Variants in NAA11 observed in about 807,000 individuals in gnomAD.
NAA11 encodes N-alpha-acetyltransferase 11, NatA catalytic subunit.
In NAA11, 15 loss-of-function variants were observed where a neutral mutation model predicts 16.1. The ratio of observed to expected loss-of-function variants is 0.93; its 90% CI spans 0.62 to 1.44. The LOEUF (loss-of-function observed/expected upper bound fraction) is 1.44. Ranked by LOEUF, NAA11 falls within the 40% of genes most tolerant of loss-of-function variation. The pLI, the probability that NAA11 is intolerant of heterozygous loss-of-function variation, is 0.00. For missense variants in NAA11, 298 were observed against 291.3 expected (o/e 1.02, Z -0.17); for synonymous variants, 122 against 112.4 (o/e 1.09, Z -0.54).
chr4:79,237,508 C>A (rs1721597026), intron 2 of NAA11, among the ~76,000 whole-genome samples: 1 of 151,990 alleles, frequency 6.6e-6, no homozygotes, highest in Non-Finnish European at 1.5e-5. Flanking sequence ...TAATACACAC[C>A]ACAATATTTA....
intron 2 of NAA11, among the ~76,000 whole-genome samples, chr4:79,285,965 C>T (rs1179745144): frequency 2.6e-5 from 4 of 152,000 alleles, no homozygotes; most frequent in Non-Finnish European, 5.9e-5. Flanking sequence ...TGGGCAATTA[C>T]ACCTTGAACA....
At chr4:79,197,030 G>T in the NAA11 span, among the ~76,000 whole-genome samples, 1 of 148,764 alleles carries the variant, frequency 6.7e-6, no homozygotes, top group Non-Finnish European at 1.5e-5. Flanking sequence ...GCCTCCAAAA[G>T]GTATATAGTC....
chr4:79,202,647 A>ATATATATATATATATATATATATC, the NAA11 span, among the ~76,000 whole-genome samples: 5 of 126,628 alleles, frequency 3.9e-5, no homozygotes, highest in African/African-American at 1.3e-4. Context: ...ATATATATAT[A>ATATATATATATATATATATATATC]TATCTGTGTA....
chr4:79,213,388 T>C, the NAA11 span, among the ~76,000 whole-genome samples: 1 of 152,018 alleles, frequency 6.6e-6, no homozygotes, highest in Non-Finnish European at 1.5e-5. Context: ...ATCAGAGCCA[T>C]GGTTTGAGGA....
chr4:79,212,798 A>G, the NAA11 span, among the ~76,000 whole-genome samples: 2 of 151,886 alleles, frequency 1.3e-5, no homozygotes, highest in African/African-American at 4.8e-5. Context: ...AGGTATATAT[A>G]TATATATAAA....
Position 79,325,747 on chromosome 4 carries a change from A to G in NAA11, c.131T>C (p.Ile44Thr). ...HGLSWPQLSYIAEDEDGKIVG... is the reference protein window; with the variant it reads ...HGLSWPQLSYTAEDEDGKIVG... Reference sequence around the variant, plus strand: ...AATCTTCCCGTCCTCATCCTCAGCGATGTAAGAAAGCTGGGGCCAGGAAAG... The same window carrying G: ...AATCTTCCCGTCCTCATCCTCAGCGGTGTAAGAAAGCTGGGGCCAGGAAAG... Residue 44 changes from isoleucine (I) to threonine (T), a missense_variant, in exon 1 of 2, where the codon ATC becomes ACC. Coordinates refer to ENST00000286794, the MANE Select transcript of NAA11 (RefSeq NM_032693.3). 2 of 1,614,154 alleles carry G rather than the reference A, an allele frequency of 1.2e-6. No individual in the cohort carries two copies. The highest frequency in any genetic ancestry group is 1.7e-6 in the Non-Finnish European group (2 of 1,180,024).
At chr4:79,263,000 GCTAGAGAATAC>G (rs1722272089) in intron 2 of NAA11, among the ~76,000 whole-genome samples, 1 of 152,030 alleles carries the variant, frequency 6.6e-6, no homozygotes, top group African/African-American at 2.4e-5. Context: ...AAATAAAATG[GCTAGAGAATAC>G]CTAGGGCATA....
intron 2 of NAA11, among the ~76,000 whole-genome samples, chr4:79,239,433 G>A (rs1221294030): frequency 6.6e-6 from 1 of 152,144 alleles, no homozygotes; most frequent in Non-Finnish European, 1.5e-5. Context: ...GGGCACAGAG[G>A]CTCACACCTG....
chr4:79,239,940 G>T (rs1560694266), intron 2 of NAA11, among the ~76,000 whole-genome samples: 1 of 152,062 alleles, frequency 6.6e-6, no homozygotes, highest in Non-Finnish European at 1.5e-5. Flanking sequence ...CAACATCATG[G>T]TGTGCACTTA....
At chr4:79,312,883 G>T (rs557932671), downstream of NAA11, among the ~76,000 whole-genome samples, 1 of 152,268 alleles carries the variant, frequency 6.6e-6, no homozygotes, top group African/African-American at 2.4e-5. Flanking sequence ...GTAAATAGGA[G>T]ATTAAGTACA....
In NAA11 at chr4:79,268,462, T is replaced by C. The variant is rs1311937980; in HGVS notation, c.*122+25543A>G. Among the ~76,000 whole-genome samples the C allele has an allele frequency of 2.0e-5, 3 of 152,126 alleles. No homozygotes were observed. The East Asian group carries it at 5.8e-4, about 29-fold the overall frequency. ...CTCTGCTTCATCACCCTGCCCAAAG[T>C]TATGCCGGAGAAGAGTTCTTTACTG... On this transcript the variant is annotated intron_variant and NMD_transcript_variant, in intron 2 of 2. Transcript: ENST00000511542.
intron 2 of NAA11, among the ~76,000 whole-genome samples, chr4:79,287,277 T>C (rs1018864261): frequency 2.6e-5 from 4 of 152,068 alleles, no homozygotes; most frequent in African/African-American, 9.7e-5. Context: ...CAAACAGACA[T>C]CTGAAAACAT....
intron 2 of NAA11, among the ~76,000 whole-genome samples, chr4:79,271,828 T>TA (rs1290322861): frequency 1.3e-5 from 2 of 151,858 alleles, no homozygotes; most frequent in African/African-American, 4.8e-5. Context: ...AAGAACCAGG[T>TA]AGGGGGTGTG....
chr4:79,165,461 G>A, the NAA11 span, among the ~76,000 whole-genome samples: 1 of 152,210 alleles, frequency 6.6e-6, no homozygotes, highest in African/African-American at 2.4e-5. Context: ...CTTCAGACAG[G>A]AGTAGAGCTC....
At chr4:79,229,297 TA>T (rs2109954333) in intron 2 of NAA11, among the ~76,000 whole-genome samples, 1 of 152,076 alleles carries the variant, frequency 6.6e-6, no homozygotes, top group South Asian at 2.1e-4. Flanking sequence ...GTTTTTCCAG[TA>T]CTATTTCTTC....
At chr4:79,164,520 C>T in the NAA11 span, among the ~76,000 whole-genome samples, 3 of 152,192 alleles carry the variant, frequency 2.0e-5, no homozygotes, top group African/African-American at 4.8e-5. Context: ...TGATGAGATA[C>T]ACTCTTTCAC....
the NAA11 span, among the ~76,000 whole-genome samples, chr4:79,220,156 G>C: frequency 0.014 from 2,119 of 152,258 alleles, 46 homozygotes; most frequent in African/African-American, 0.048. Flanking sequence ...GCAGTGGCAC[G>C]ATCTCGGCTC....
chr4:79,168,773 C>T, the NAA11 span, among the ~76,000 whole-genome samples: 1 of 152,020 alleles, frequency 6.6e-6, no homozygotes, highest in Non-Finnish European at 1.5e-5. Flanking sequence ...GAATATTAGT[C>T]CTTTGTCAGA....
intron 1 of NAA11, among the ~76,000 whole-genome samples, chr4:79,310,528 T>C (rs1723741750): frequency 6.6e-6 from 1 of 152,188 alleles, no homozygotes; most frequent in African/African-American, 2.4e-5. Flanking sequence ...GGGGTTCAAA[T>C]ACAACAATGC....
Sources: gnomAD v4.1 joint callset for allele counts (sites outside exome capture counted in the v4.1 genomes callset) on GRCh38, gnomAD v4.1.1 for gene constraint, MANE v1.5 for transcripts, NCBI Gene and HGNC (gene_info 2026-07-23, HGNC 2026-07-21) for gene names.